The following GUCY1A2 variants were observed in gnomAD, a reference collection of about 807,000 sequenced individuals.
GUCY1A2 encodes the protein guanylate cyclase 1 soluble subunit alpha 2.
A neutral mutation model predicts 63.5 loss-of-function variants in GUCY1A2; 27 were observed. The observed-to-expected ratio is 0.43, with a 90% CI of 0.31 to 0.59. The LOEUF is 0.59. Among genes scored for constraint, GUCY1A2 ranks in the 20% least tolerant of loss-of-function variants. The pLI is 0.11. For missense variants in GUCY1A2, 768 were observed against 913.3 expected (o/e 0.84, Z 2.05); for synonymous variants, 364 against 343.5 (o/e 1.06, Z -0.66).
Position 106,806,305 on chromosome 11 carries a change from T to A in GUCY1A2, c.1692+3688A>T, listed in dbSNP as rs1858684060. 2.0e-5 allele frequency among the ~76,000 whole-genome samples: 3 copies of A among 152,100 alleles called. No individual in the cohort carries two copies. The South Asian group carries it at 6.2e-4, about 32-fold the overall frequency. ...ATCTTTATTTTATGGGGTATAGAAC[T>A]GGAGAAAAGTCAAGTTAAAGTGCTT... On this transcript the variant is annotated intron_variant, in intron 5 of 7. Coordinates refer to ENST00000526355, the MANE Select transcript of GUCY1A2 (RefSeq NM_000855.3).
intron 6 of GUCY1A2, among the ~76,000 whole-genome samples, chr11:106,746,335 T>G (rs2135382060): frequency 6.6e-6 from 1 of 152,174 alleles, no homozygotes; most frequent in African/African-American, 2.4e-5. Context: ...CTTTATAGGG[T>G]TTCTGTGAGG....
chr11:106,773,274 G>A (rs1864290493), intron 6 of GUCY1A2, among the ~76,000 whole-genome samples: 1 of 151,740 alleles, frequency 6.6e-6, no homozygotes. Context: ...TAGTTAAGTG[G>A]AATAATACTA....
intron 4 of GUCY1A2, among the ~76,000 whole-genome samples, chr11:106,933,848 A>G (rs943193142): frequency 1.3e-5 from 2 of 152,200 alleles, no homozygotes; most frequent in African/African-American, 2.4e-5. Context: ...AAACAAACAC[A>G]GGAACGGAAA....
intron 6 of GUCY1A2, among the ~76,000 whole-genome samples, chr11:106,763,647 T>G (rs949915778): frequency 2.0e-5 from 3 of 152,106 alleles, no homozygotes; most frequent in African/African-American, 7.2e-5. Context: ...TGGATTTAAG[T>G]GACCAGATGT....
At chr11:106,842,993 A>C (rs990641458) in intron 4 of GUCY1A2, among the ~76,000 whole-genome samples, 5 of 151,918 alleles carry the variant, frequency 3.3e-5, no homozygotes, top group African/African-American at 1.2e-4. Flanking sequence ...CATCTGTTTT[A>C]CATATTATGA....
At chr11:106,904,694 T>C (rs897800477) in intron 4 of GUCY1A2, among the ~76,000 whole-genome samples, 3 of 151,952 alleles carry the variant, frequency 2.0e-5, no homozygotes, top group Non-Finnish European at 4.4e-5. Context: ...CCCACACTTA[T>C]GAGAAAATAC....
At chr11:107,001,258 T>C (rs189290013) in intron 1 of GUCY1A2, among the ~76,000 whole-genome samples, 3 of 152,306 alleles carry the variant, frequency 2.0e-5, no homozygotes, top group Admixed American at 6.5e-5. Flanking sequence ...AACTGAGACA[T>C]CTCAAATCCC....
rs1277435181 is a variant in GUCY1A2 at position 106,835,129 on chromosome 11, A to T, written c.1207-24651T>A. On this transcript the variant is annotated intron_variant, in intron 4 of 7. Coordinates refer to ENST00000526355, the MANE Select transcript of GUCY1A2 (RefSeq NM_000855.3). Reference sequence around the variant, plus strand: ...GCTCACCAAGGGCATCAAATACTAGATTTTACGACTTGGAATATAAAATAT... The same window carrying T: ...GCTCACCAAGGGCATCAAATACTAGTTTTTACGACTTGGAATATAAAATAT... 3.3e-5 allele frequency among the ~76,000 whole-genome samples: 5 copies of T among 152,082 alleles called. No individual in the cohort carries two copies. In the South Asian group the frequency reaches 8.3e-4, roughly 25 times the overall value.
At chr11:106,722,601 A>C (rs2135364370) in intron 6 of GUCY1A2, among the ~76,000 whole-genome samples, 1 of 152,268 alleles carries the variant, frequency 6.6e-6, no homozygotes, top group Admixed American at 6.5e-5. Context: ...TCTTCTTTTA[A>C]CCTGGGCTTT....
intron 6 of GUCY1A2, among the ~76,000 whole-genome samples, chr11:106,736,629 A>G (rs1267889502): frequency 6.6e-6 from 1 of 152,072 alleles, no homozygotes; most frequent in Admixed American, 6.6e-5. Context: ...TTATGGTTCC[A>G]TATATATTTC....
chr11:106,683,736 A>G lies in GUCY1A2; in HGVS notation c.*3813T>C, dbSNP rs1043354980. On this transcript the variant is annotated 3_prime_UTR_variant, in exon 8 of 8. Coordinates refer to ENST00000526355, the MANE Select transcript of GUCY1A2 (RefSeq NM_000855.3). Reference sequence around the variant, plus strand: ...TGACAAGACAGAAACCTGTGTGTAAAAGTTTTACTTTTTGCCTTAACCATC... The same window carrying G: ...TGACAAGACAGAAACCTGTGTGTAAGAGTTTTACTTTTTGCCTTAACCATC... 9.0e-5 allele frequency: 20 copies of G among 222,604 alleles called. 1 individual carries two copies. Among genetic ancestry groups the G allele is most frequent in the African/African-American group, 4.5e-4 (20 of 44,716 alleles). The allele number at this position is 222,604 out of a possible 1,614,324, so 13.8% of individuals were successfully genotyped here. A position where few individuals can be genotyped will look rare whatever the true frequency, so the allele number is the denominator to read the frequency against.
intron 6 of GUCY1A2, among the ~76,000 whole-genome samples, chr11:106,726,267 T>C (rs1414063048): frequency 6.6e-6 from 1 of 151,882 alleles, no homozygotes; most frequent in African/African-American, 2.4e-5. Context: ...AACACAAAAA[T>C]TAGCCAGTCA....
chr11:106,877,297 T>C (rs1270465361), intron 4 of GUCY1A2, among the ~76,000 whole-genome samples: 2 of 152,012 alleles, frequency 1.3e-5, no homozygotes, highest in Non-Finnish European at 2.9e-5. Flanking sequence ...CTCTTCCTAT[T>C]TGGATGCCCT....
At chr11:106,795,519 G>C (rs1864741612) in intron 5 of GUCY1A2, among the ~76,000 whole-genome samples, 1 of 152,116 alleles carries the variant, frequency 6.6e-6, no homozygotes, top group Non-Finnish European at 1.5e-5. Flanking sequence ...AGCTTTCATA[G>C]ACTCCAACAC....
chr11:106,924,791 G>A (rs971751884), intron 4 of GUCY1A2, among the ~76,000 whole-genome samples: 7 of 152,048 alleles, frequency 4.6e-5, no homozygotes, highest in Admixed American at 1.3e-4. Context: ...GATCGCTTGA[G>A]CCCAGAGGTT....
At chr11:106,987,539 C>G (rs1419787559) in intron 1 of GUCY1A2, among the ~76,000 whole-genome samples, 1 of 151,850 alleles carries the variant, frequency 6.6e-6, no homozygotes, top group African/African-American at 2.4e-5. Context: ...GTAGTCCCAG[C>G]TGCCTGGGAG....
chr11:106,826,222 C>A (rs1234621130), intron 4 of GUCY1A2, among the ~76,000 whole-genome samples: 1 of 152,172 alleles, frequency 6.6e-6, no homozygotes, highest in Non-Finnish European at 1.5e-5. Flanking sequence ...AAACTTTGAA[C>A]TGATTTCAAA....
Position 106,828,267 on chromosome 11 carries a change from G to A in GUCY1A2, c.1207-17789C>T, listed in dbSNP as rs557050168. Reference sequence around the variant, plus strand: ...TTGGGGTCTTCATCATAAATTATTTGACTAGGCCCATGTTCAGAAAAGCTT... The same window carrying A: ...TTGGGGTCTTCATCATAAATTATTTAACTAGGCCCATGTTCAGAAAAGCTT... On this transcript the variant is annotated intron_variant, in intron 4 of 7. Transcript: ENST00000526355. Among the ~76,000 whole-genome samples, 7 of 150,120 alleles carry A rather than the reference G, an allele frequency of 4.7e-5. No individual in the cohort carries two copies. The East Asian group carries it at 6.0e-4, about 13-fold the overall frequency.
rs1341736355 is a variant in GUCY1A2 at position 106,916,195 on chromosome 11, T to C, written c.1206+23265A>G. On this transcript the variant is annotated intron_variant, in intron 4 of 7. Transcript: ENST00000526355. ...AAGCATAAAGTACTTTTTGGTTAAATAGTAAGACTACTTTGAGAATCATAA... is the reference window on the plus strand; with the variant it reads ...AAGCATAAAGTACTTTTTGGTTAAACAGTAAGACTACTTTGAGAATCATAA... 4.1e-5 allele frequency among the ~76,000 whole-genome samples: 6 copies of C among 145,828 alleles called. 2 individuals are homozygous for C. Among genetic ancestry groups the C allele is most frequent in the Non-Finnish European group, 9.3e-5 (6 of 64,832 alleles).
Sources: gnomAD v4.1 joint callset for allele counts (sites outside exome capture counted in the v4.1 genomes callset) on GRCh38, gnomAD v4.1.1 for gene constraint, MANE v1.5 for transcripts, NCBI Gene and HGNC (gene_info 2026-07-23, HGNC 2026-07-21) for gene names.